Variants in INO80D observed in about 807,000 individuals in gnomAD.
INO80D encodes the protein INO80 complex subunit D.
INO80D carries 21 observed loss-of-function variants against 87.6 expected under a neutral mutation model. The ratio of observed to expected loss-of-function variants is 0.24; its 90% confidence interval spans 0.17 to 0.35. The LOEUF is 0.35. Ranked by LOEUF, INO80D falls within the 10% of genes least tolerant of loss-of-function variation. The pLI is 1.00. For missense variants in INO80D, 982 were observed against 1,280.7 expected (o/e 0.77, Z 3.56); for synonymous variants, 440 against 491.0 (o/e 0.90, Z 1.37).
intron 5 of INO80D, among the ~76,000 whole-genome samples, chr2:206,029,611 A>T (rs1014968841): frequency 6.6e-6 from 1 of 152,190 alleles, no homozygotes; most frequent in Admixed American, 6.5e-5. Flanking sequence ...CCTTCAGCAT[A>T]GTCTATAACA....
At chr2:206,013,892 C>A (rs1457076324) in intron 8 of INO80D, among the ~76,000 whole-genome samples, 1 of 149,536 alleles carries the variant, frequency 6.7e-6, no homozygotes, top group Non-Finnish European at 1.5e-5. Context: ...GGCATGGTGG[C>A]TCATGCCTGT....
chr2:206,038,620 C>T (rs1488230230), intron 5 of INO80D, among the ~76,000 whole-genome samples: 1 of 152,066 alleles, frequency 6.6e-6, no homozygotes. Context: ...TAGCTTAAAC[C>T]CAGGAGTTCG....
chr2:206,056,123 G>C, intron 4 of INO80D, 75 bp downstream of exon 4: 1 of 1,422,830 alleles, frequency 7.0e-7, no homozygotes, highest in East Asian at 2.3e-5. Flanking sequence ...GGGTAATTAT[G>C]AAAGGGAAGC....
chr2:206,024,131 A>C (rs1336771077), intron 6 of INO80D, among the ~76,000 whole-genome samples: 1 of 152,210 alleles, frequency 6.6e-6, no homozygotes. Context: ...AGTTATCATT[A>C]TTTTATAACC....
At chr2:206,023,125 C>T (rs1006074380) in intron 6 of INO80D, among the ~76,000 whole-genome samples, 9 of 151,782 alleles carry the variant, frequency 5.9e-5, no homozygotes, top group South Asian at 2.1e-4. Flanking sequence ...CACTTGAATC[C>T]GGGAGGCGGA....
chr2:206,032,181 T>G (rs1447165596), intron 5 of INO80D, among the ~76,000 whole-genome samples: 1 of 152,152 alleles, frequency 6.6e-6, no homozygotes, highest in Non-Finnish European at 1.5e-5. Context: ...GCGAGAAGCC[T>G]CCTGGCCAGA....
In INO80D at chr2:206,002,362, T is replaced by C. The variant is rs557384600; in HGVS notation, c.*2006A>G. 2 of 152,340 alleles carry C rather than the reference T, an allele frequency of 1.3e-5. No homozygotes were observed. Among genetic ancestry groups the C allele is most frequent in the East Asian group, 1.9e-4 (1 of 5,192 alleles). The allele number at this position is 152,340 out of a possible 1,614,324, so 9.4% of individuals were successfully genotyped here. A position where few individuals can be genotyped will look rare whatever the true frequency, so the allele number is the denominator to read the frequency against. On this transcript the variant is annotated 3_prime_UTR_variant, in exon 11 of 11. Transcript: ENST00000403263. ...CATTCAGAATAGAAATTTATGGTGA[T>C]ACCAAATATAATTTTGCTTTATGAC...
intron 7 of INO80D, among the ~76,000 whole-genome samples, chr2:206,019,250 G>T (rs1688396655): frequency 6.6e-6 from 1 of 152,122 alleles, no homozygotes; most frequent in Admixed American, 6.5e-5. Flanking sequence ...CTTTAAAAGA[G>T]ATCTTCTTTC....
At position 206,056,928 on chromosome 2, in the gene INO80D, G is replaced by A; in HGVS notation, c.234C>T (p.His78=). ...KSEDRRYCNS[H]LQVLGFIPKK... ...TCGGGATAAAGCCAAGTACCTGCAAGTGGCTGTTGCAGTACCTTTAAAATA... is the reference window on the plus strand; with the variant it reads ...TCGGGATAAAGCCAAGTACCTGCAAATGGCTGTTGCAGTACCTTTAAAATA... The change falls in exon 4 of 11, where the codon CAC becomes CAT. Residue 78 remains histidine, a synonymous_variant. Coordinates refer to ENST00000403263, the MANE Select transcript of INO80D (RefSeq NM_017759.5). The A allele has an allele frequency of 6.3e-7, 1 of 1,597,608 alleles. No homozygotes were observed. The highest frequency in any genetic ancestry group is 8.6e-7 in the Non-Finnish European group (1 of 1,168,112).
chr2:206,053,739 T>A (rs2105877649), intron 4 of INO80D, among the ~76,000 whole-genome samples: 1 of 151,840 alleles, frequency 6.6e-6, no homozygotes, highest in South Asian at 2.1e-4. Flanking sequence ...CCCCTGTTTA[T>A]TTACTTTGTT....
At chr2:206,045,821 A>G (rs1422589379) in intron 5 of INO80D, among the ~76,000 whole-genome samples, 1 of 152,168 alleles carries the variant, frequency 6.6e-6, no homozygotes, top group African/African-American at 2.4e-5. Context: ...GGAGATGTAC[A>G]GCCAAGGAAG....
intron 8 of INO80D, among the ~76,000 whole-genome samples, chr2:206,013,413 G>A (rs1032567793): frequency 3.9e-5 from 6 of 151,980 alleles, no homozygotes; most frequent in Non-Finnish European, 7.4e-5. Context: ...TTAGCCAGGC[G>A]TGGTGGCAGG....
At chr2:206,016,578 T>C (rs1212613396) in intron 8 of INO80D, among the ~76,000 whole-genome samples, 1 of 152,188 alleles carries the variant, frequency 6.6e-6, no homozygotes, top group Non-Finnish European at 1.5e-5. Context: ...TGTGAAGGTA[T>C]TACAATGTGA....
intron 10 of INO80D, among the ~76,000 whole-genome samples, chr2:206,005,888 T>C (rs1688010778): frequency 1.3e-5 from 2 of 152,208 alleles, no homozygotes; most frequent in Admixed American, 6.5e-5. Flanking sequence ...ATTATCATCA[T>C]TAACATAGAA....
rs1317836627 is a variant in INO80D at position 205,999,638 on chromosome 2, G to A, written c.*4730C>T. 6.6e-6 allele frequency: 1 copy of A among 152,120 alleles called. No individual in the cohort carries two copies. The highest frequency in any genetic ancestry group is 1.9e-4 in the East Asian group (1 of 5,188). The allele number at this position is 152,120 out of a possible 1,614,324, so 9.4% of individuals were successfully genotyped here. Reference sequence around the variant, plus strand: ...TCCCTAAGTTTGACCCACAACTGCAGCATTAATGACACTGTTTATTAGAAG... The same window carrying A: ...TCCCTAAGTTTGACCCACAACTGCAACATTAATGACACTGTTTATTAGAAG... On this transcript the variant is annotated 3_prime_UTR_variant, in exon 11 of 11. Coordinates refer to ENST00000403263, the MANE Select transcript of INO80D (RefSeq NM_017759.5).
At chr2:206,054,086 G>C (rs1034164235) in intron 4 of INO80D, among the ~76,000 whole-genome samples, 16 of 151,880 alleles carry the variant, frequency 1.1e-4, no homozygotes, top group Non-Finnish European at 2.4e-4. Flanking sequence ...GTGATTCACC[G>C]GCCTCAGCCT....
chr2:206,080,965 T>C (rs1166190601), intron 1 of INO80D, among the ~76,000 whole-genome samples: 1 of 147,696 alleles, frequency 6.8e-6, no homozygotes, highest in Non-Finnish European at 1.5e-5. Flanking sequence ...AGAAAAGTTA[T>C]GCACCAGAAA....
At chr2:206,046,909 T>C (rs937140922) in intron 4 of INO80D, among the ~76,000 whole-genome samples, 1 of 151,680 alleles carries the variant, frequency 6.6e-6, no homozygotes, top group Admixed American at 6.6e-5. Flanking sequence ...GCCTCCCGAG[T>C]AGCCAGGACT....
chr2:206,053,291 C>T (rs1689424128), intron 4 of INO80D, among the ~76,000 whole-genome samples: 1 of 152,034 alleles, frequency 6.6e-6, no homozygotes, highest in Non-Finnish European at 1.5e-5. Context: ...AGACAGAATT[C>T]AGCCATGACA....
Sources: gnomAD v4.1 joint callset for allele counts (sites outside exome capture counted in the v4.1 genomes callset) on GRCh38, gnomAD v4.1.1 for gene constraint, MANE v1.5 for transcripts, NCBI Gene and HGNC (gene_info 2026-07-23, HGNC 2026-07-21) for gene names.